CASTOR2: variants seen among roughly 807,000 people sequenced by gnomAD.
The protein encoded by CASTOR2 is GATS protein like 2.
In CASTOR2, 8 loss-of-function variants were observed where a neutral mutation model predicts 31.2. That is an observed-to-expected ratio of 0.26 (90% confidence interval 0.15 to 0.46). The LOEUF (loss-of-function observed/expected upper bound fraction) is 0.46. CASTOR2 is among the 20% of genes least tolerant of loss of function. CASTOR2 has a pLI of 0.99. For synonymous variants in CASTOR2, 162 were observed against 158.7 expected, an observed-to-expected ratio of 1.02 and a Z score of -0.16; for missense variants, 216 against 382.1, an observed-to-expected ratio of 0.57 and a Z score of 3.62.
rs1461552801 is a variant in CASTOR2, at chr7:75,028,102, C to T, written c.*3403C>T. ...TGCCTGGCGGGGGAGGAAGAGGGCT[C>T]TCTATGATGTGGAATTTTTTTTTTT... On this transcript the variant is annotated 3_prime_UTR_variant, in exon 9 of 9. Transcript: ENST00000616305. 26 of 1,484,992 alleles carry T rather than the reference C, an allele frequency of 1.8e-5. No individual in the cohort carries two copies. The East Asian group carries it at 6.4e-4, about 37-fold the overall frequency. The allele number at this position is 1,484,992 out of a possible 1,614,324, so 92.0% of individuals were successfully genotyped here.
At position 75,024,684 on chromosome 7, in the gene CASTOR2, A is replaced by G. The variant is rs1371400488; in HGVS notation, c.975A>G (p.Gln325=). The G allele has an allele frequency of 6.4e-7, 1 of 1,551,522 alleles. No individual in the cohort carries two copies. The highest frequency in any genetic ancestry group is 1.4e-5 in the African/African-American group (1 of 73,060). ...TCATCAGTGCCCTGAAGGTCAGCCA[A>G]GCAGAGAAGCACTAGAAGGGTCTCT... The part of the protein sequence containing the change: ...NGVISALKVS[Q]AEKH The change falls in exon 9 of 9, where the codon CAA becomes CAG. Residue 325 remains glutamine, a synonymous_variant. Transcript: ENST00000616305.
intron 1 of CASTOR2, among the ~76,000 whole-genome samples, chr7:74,977,171 T>A (rs1584458649): frequency 9.7e-6 from 1 of 103,458 alleles, no homozygotes; most frequent in Admixed American, 1.3e-4. Context: ...GTGACAAGAG[T>A]GAAACTCCAT....
At position 75,030,773 on chromosome 7, in the gene CASTOR2, T is replaced by G. The variant is rs1584483333; in HGVS notation, c.*6074T>G. Among the ~76,000 whole-genome samples, 2 of 152,158 alleles carry G rather than the reference T, an allele frequency of 1.3e-5. No homozygotes were observed. Among genetic ancestry groups the G allele is most frequent in the Admixed American group, 1.3e-4 (2 of 15,280 alleles). ...TCACACGCCGTTGCCTCCACCATGC[T>G]CTGGTTTGATACAGCCCAGCTCTGA... On this transcript the variant is annotated 3_prime_UTR_variant, in exon 9 of 9. Coordinates refer to ENST00000616305, the MANE Select transcript of CASTOR2 (RefSeq NM_001145064.3).
At chr7:74,997,202 T>C (rs2131936794) in intron 1 of CASTOR2, among the ~76,000 whole-genome samples, 1 of 151,958 alleles carries the variant, frequency 6.6e-6, no homozygotes, top group South Asian at 2.1e-4. Context: ...TACAGGTGCA[T>C]GTTACCAGGC....
rs1461601012 is a variant in CASTOR2, at chr7:74,993,750, AC to A, written c.114-14238del. ...GCAGGTGTGAGCCACCGTGCCTGGC[AC>A]CCCCCTTTCTTATTTGCTGGTGAAC... On this transcript the variant is annotated intron_variant, in intron 1 of 8. Transcript: ENST00000616305. 1.2e-4 allele frequency among the ~76,000 whole-genome samples: 16 copies of A among 139,114 alleles called. 1 individual carries two copies. Among genetic ancestry groups the A allele is most frequent in the Admixed American group, 1.1e-3 (15 of 13,232 alleles). 91.3% of individuals were successfully genotyped at this position (139,114 alleles called of 152,430 possible).
intron 1 of CASTOR2, among the ~76,000 whole-genome samples, chr7:74,995,432 G>A (rs1286036807): frequency 5.4e-5 from 8 of 148,208 alleles, no homozygotes; most frequent in African/African-American, 2.0e-4. Context: ...TTGGGAGGCC[G>A]AGGCGGGAAG....
At chr7:74,999,903 G>A (rs1804453775) in intron 1 of CASTOR2, among the ~76,000 whole-genome samples, 1 of 152,132 alleles carries the variant, frequency 6.6e-6, no homozygotes. Flanking sequence ...ATGAGCCACT[G>A]CGCCCGGCCA....
At position 75,028,331 on chromosome 7, in the gene CASTOR2, C is replaced by G. The variant is rs1270897692; in HGVS notation, c.*3632C>G. Among the ~76,000 whole-genome samples, 24 of 151,860 alleles carry G rather than the reference C, an allele frequency of 1.6e-4. No individual in the cohort carries two copies. Among genetic ancestry groups the G allele is most frequent in the African/African-American group, 5.3e-4 (22 of 41,346 alleles). ...AGACGGGGTTTCACCATGTTGGCCACGCTGGTCTTGAACTCCTGACCTCAA... is the reference window on the plus strand; with the variant it reads ...AGACGGGGTTTCACCATGTTGGCCAGGCTGGTCTTGAACTCCTGACCTCAA... On this transcript the variant is annotated 3_prime_UTR_variant, in exon 9 of 9. Coordinates refer to ENST00000616305, the MANE Select transcript of CASTOR2 (RefSeq NM_001145064.3).
chr7:74,996,189 T>A (rs1347532353), intron 1 of CASTOR2, among the ~76,000 whole-genome samples: 1 of 152,032 alleles, frequency 6.6e-6, no homozygotes, highest in Middle Eastern at 3.2e-3. Flanking sequence ...GAGCTGCATG[T>A]CTTTGCTGAG....
At position 75,027,932 on chromosome 7, in the gene CASTOR2, G is replaced by C; in HGVS notation, c.*3233G>C. 7.7e-7 allele frequency: 1 copy of C among 1,305,438 alleles called. No homozygotes were observed. The highest frequency in any genetic ancestry group is 1.1e-6 in the Non-Finnish European group (1 of 938,960). The allele number at this position is 1,305,438 out of a possible 1,614,324, so 80.9% of individuals were successfully genotyped here. On this transcript the variant is annotated 3_prime_UTR_variant, in exon 9 of 9. Coordinates refer to ENST00000616305, the MANE Select transcript of CASTOR2 (RefSeq NM_001145064.3). ...CTGCTGGGTGGGAGGGTCTCTCCAG[G>C]CCCCAGACCCCACTTGGAGGGGCAT...
rs2131962013 is a variant in CASTOR2 at position 75,027,199 on chromosome 7, CTT to C, written c.*2501_*2502del. On this transcript the variant is annotated 3_prime_UTR_variant, in exon 9 of 9. Transcript: ENST00000616305. The stretch of plus-strand genomic sequence containing the variant: ...AGCCGATGGGTTCCCTCAGACCTGA[CTT>C]GAGAGAACAAAGCCAGCAGCTCAAA... 6.6e-6 allele frequency: 1 copy of C among 152,354 alleles called. No individual in the cohort carries two copies. The highest frequency in any genetic ancestry group is 1.5e-5 in the Non-Finnish European group (1 of 68,044). 9.4% of individuals were successfully genotyped at this position (152,354 alleles called of 1,614,324 possible). A position where few individuals can be genotyped will look rare whatever the true frequency, so the allele number is the denominator to read the frequency against.
chr7:74,975,005 G>C (rs1803768176), intron 1 of CASTOR2, among the ~76,000 whole-genome samples: 1 of 150,622 alleles, frequency 6.6e-6, no homozygotes, highest in Non-Finnish European at 1.5e-5. Context: ...GTTACACTCT[G>C]TTGCCCAGGC....
chr7:74,990,313 G>A (rs1264030502), intron 1 of CASTOR2, among the ~76,000 whole-genome samples: 25 of 151,846 alleles, frequency 1.6e-4, no homozygotes, highest in African/African-American at 5.8e-4. Flanking sequence ...GAGTGAACCC[G>A]GGAGGTGGAG....
intron 6 of CASTOR2, among the ~76,000 whole-genome samples, chr7:75,021,144 A>C (rs1460858478): frequency 6.6e-6 from 1 of 152,024 alleles, no homozygotes; most frequent in South Asian, 2.1e-4. Context: ...GGCGCACACC[A>C]CCATACCCTG....
At chr7:75,019,174 G>C in intron 5 of CASTOR2, 79 bp downstream of exon 5, 3 of 1,549,230 alleles carry the variant, frequency 1.9e-6, no homozygotes, top group Non-Finnish European at 2.6e-6. Flanking sequence ...TTAGTCTGAC[G>C]GGGGAGGCTT....
At position 75,008,578 on chromosome 7, in the gene CASTOR2, C is replaced by T. The variant is rs1260526690; in HGVS notation, c.184+514C>T. On this transcript the variant is annotated intron_variant, in intron 2 of 8. Coordinates refer to ENST00000616305, the MANE Select transcript of CASTOR2 (RefSeq NM_001145064.3). ...GGACATGATGGCATGTTCCTGTGGT[C>T]CCAGCTACTTGAGAGACCGAGGCAG... Among the ~76,000 whole-genome samples the T allele has an allele frequency of 2.6e-5, 4 of 152,074 alleles. No individual in the cohort carries two copies. In the East Asian group the frequency reaches 5.8e-4, roughly 22 times the overall value.
At chr7:74,985,546 C>CTG (rs1440442114) in intron 1 of CASTOR2, among the ~76,000 whole-genome samples, 2 of 144,910 alleles carry the variant, frequency 1.4e-5, no homozygotes, top group East Asian at 4.1e-4. Context: ...TAATCATGCA[C>CTG]TCCAGCCTAG....
At chr7:75,021,140 C>T (rs1054564947) in intron 6 of CASTOR2, among the ~76,000 whole-genome samples, 39 of 152,152 alleles carry the variant, frequency 2.6e-4, no homozygotes, top group Non-Finnish European at 4.9e-4. Flanking sequence ...TACAGGCGCA[C>T]ACCACCATAC....
rs1158456043 is a variant in CASTOR2, at chr7:74,999,601, C to CTTTTTTTTT, written c.114-8366_114-8358dup. Among the ~76,000 whole-genome samples the CTTTTTTTTT allele has an allele frequency of 1.5e-3, 67 of 45,778 alleles. 18 individuals are homozygous for CTTTTTTTTT. Among genetic ancestry groups the CTTTTTTTTT allele is most frequent in the African/African-American group, 4.1e-3 (33 of 7,970 alleles). 30.0% of individuals were successfully genotyped at this position (45,778 alleles called of 152,430 possible). ...CCCGAAACACTTCTATCACTCACTGCTTTTTTTTTTTTTTTTTTTTTTTTT... is the reference window on the plus strand; with the variant it reads ...CCCGAAACACTTCTATCACTCACTGCTTTTTTTTTTTTTTTTTTTTTTTTTTTTTTTTTT... On this transcript the variant is annotated intron_variant, in intron 1 of 8. Coordinates refer to ENST00000616305, the MANE Select transcript of CASTOR2 (RefSeq NM_001145064.3).
Sources: gnomAD v4.1 joint callset for allele counts (sites outside exome capture counted in the v4.1 genomes callset) on GRCh38, gnomAD v4.1.1 for gene constraint, MANE v1.5 for transcripts, NCBI Gene and HGNC (gene_info 2026-07-23, HGNC 2026-07-21) for gene names.